GNA13: variants seen among roughly 807,000 people sequenced by gnomAD.
GNA13 encodes G protein subunit alpha 13, also known as guanine nucleotide-binding protein subunit alpha-13.
GNA13 carries 4 observed loss-of-function variants against 33.5 expected under a neutral mutation model. The observed-to-expected ratio is 0.12, with a 90% CI of 0.06 to 0.27. The LOEUF (loss-of-function observed/expected upper bound fraction) is 0.27, where lower values mean the gene tolerates loss of function less well. Among genes scored for constraint, GNA13 ranks in the 10% least tolerant of loss-of-function variants. GNA13 has a pLI of 1.00. For missense variants in GNA13, 319 were observed against 487.2 expected (o/e 0.65, Z 3.25); for synonymous variants, 176 against 183.8 (o/e 0.96, Z 0.34).
chr17:65,019,345 G>A (rs1013647263), intron 2 of GNA13, among the ~76,000 whole-genome samples: 3 of 152,170 alleles, frequency 2.0e-5, no homozygotes, highest in African/African-American at 7.2e-5. Context: ...ATGAGTATAT[G>A]GAGGAGAGAG....
At chr17:65,027,581 C>G (rs1288720702) in intron 2 of GNA13, among the ~76,000 whole-genome samples, 1 of 152,144 alleles carries the variant, frequency 6.6e-6, no homozygotes, top group Non-Finnish European at 1.5e-5. Flanking sequence ...TCCTTTTCTA[C>G]AATGTATTGT....
intron 3 of GNA13, among the ~76,000 whole-genome samples, chr17:65,018,041 T>C (rs1161332415): frequency 4.6e-5 from 6 of 129,638 alleles, no homozygotes; most frequent in Non-Finnish European, 7.7e-5. Context: ...TTCAATATTC[T>C]GAGCTACCAA....
intron 2 of GNA13, among the ~76,000 whole-genome samples, chr17:65,032,071 G>A (rs940711464): frequency 1.3e-5 from 2 of 152,028 alleles, no homozygotes; most frequent in African/African-American, 4.8e-5. Flanking sequence ...GCTGTTCATT[G>A]TAACAGTAGG....
intron 2 of GNA13, among the ~76,000 whole-genome samples, chr17:65,044,800 T>C (rs1301365013): frequency 2.6e-5 from 4 of 152,082 alleles, no homozygotes; most frequent in African/African-American, 7.2e-5. Flanking sequence ...CCCAACATTT[T>C]GGGAGGCTAA....
At chr17:65,049,916 A>G (rs1907802024) in intron 2 of GNA13, among the ~76,000 whole-genome samples, 1 of 152,212 alleles carries the variant, frequency 6.6e-6, no homozygotes, top group African/African-American at 2.4e-5. Context: ...ACCTAGTAAC[A>G]GATAGGGTAA....
Position 65,056,562 on chromosome 17 carries a change from A to G in GNA13, c.32T>C (p.Leu11Pro). The G allele has an allele frequency of 1.2e-6, 2 of 1,610,422 alleles. No homozygotes were observed. Among genetic ancestry groups the G allele is most frequent in the East Asian group, 2.2e-5 (1 of 44,704 alleles). The stretch of plus-strand genomic sequence containing the variant: ...CAGGCAGCCGGGGAAGCACACGGAC[A>G]GCACGGACCGCGACGGCAGGAAGTC... MADFLPSRSV[L>P]SVCFPGCLLT... Residue 11 changes from leucine to proline, a missense_variant, in exon 1 of 4, where the codon CTG becomes CCG. Transcript: ENST00000439174.
At chr17:65,019,846 T>C (rs1358690801) in intron 2 of GNA13, among the ~76,000 whole-genome samples, 6 of 152,212 alleles carry the variant, frequency 3.9e-5, no homozygotes, top group African/African-American at 1.4e-4. Context: ...GTTTGTAACA[T>C]AAAGGATAAA....
chr17:65,029,642 C>T (rs1906929842), intron 2 of GNA13, among the ~76,000 whole-genome samples: 1 of 152,128 alleles, frequency 6.6e-6, no homozygotes, highest in South Asian at 2.1e-4. Flanking sequence ...ACTCATGGCA[C>T]TTCTTTATTT....
At chr17:65,038,530 AG>A (rs1222155573) in intron 2 of GNA13, among the ~76,000 whole-genome samples, 1 of 152,124 alleles carries the variant, frequency 6.6e-6, no homozygotes, top group African/African-American at 2.4e-5. Context: ...CTCCCACCTC[AG>A]CTCTGAGTAG....
At chr17:65,056,147 C>A (rs1232371559) in intron 1 of GNA13, among the ~76,000 whole-genome samples, 164 bp downstream of exon 1, 3 of 151,822 alleles carry the variant, frequency 2.0e-5, no homozygotes, top group African/African-American at 7.3e-5. Context: ...GCACCCCGGG[C>A]GGGCAGGGCC....
intron 2 of GNA13, among the ~76,000 whole-genome samples, chr17:65,043,565 G>A (rs1907540891): frequency 6.6e-6 from 1 of 152,148 alleles, no homozygotes; most frequent in African/African-American, 2.4e-5. Flanking sequence ...GAGGTTACAG[G>A]TGTGAGCCAC....
intron 2 of GNA13, 137 bp downstream of exon 2, chr17:65,053,365 G>A (rs1838079): frequency 1.6e-6 from 1 of 639,542 alleles, no homozygotes; most frequent in South Asian, 1.8e-5. Context: ...CTGTGCCTTA[G>A]CCTTTCAGTC....
At position 65,009,447 on chromosome 17, in the gene GNA13, C is replaced by A. The variant is rs1335952334; in HGVS notation, c.*4810G>T. Among the ~76,000 whole-genome samples the A allele has an allele frequency of 2.6e-5, 4 of 152,112 alleles. No individual in the cohort carries two copies. Among genetic ancestry groups the A allele is most frequent in the South Asian group, 2.1e-4 (1 of 4,834 alleles). Reference sequence around the variant, plus strand: ...TCAAACCATTCTTTCCACTTTTAGACCTCCTTTAGAAATAATTTATTGCCC... The same window carrying A: ...TCAAACCATTCTTTCCACTTTTAGAACTCCTTTAGAAATAATTTATTGCCC... On this transcript the variant is annotated 3_prime_UTR_variant, in exon 4 of 4. Transcript: ENST00000439174.
Position 65,056,626 on chromosome 17 carries a change from CT to C in GNA13, c.-34del. 1 of 1,579,766 alleles carries C rather than the reference CT, an allele frequency of 6.3e-7. No individual in the cohort carries two copies. The highest frequency in any genetic ancestry group is 1.1e-5 in the South Asian group (1 of 89,564). On this transcript the variant is annotated 5_prime_UTR_variant, in exon 1 of 4. Transcript: ENST00000439174. ...CCGCCGCCGCCGCCTCGGCGGGCCC[CT>C]CCGGCTCCCTCCACCTCCTCCTCCG...
Position 65,053,603 on chromosome 17 carries a change from C to T in GNA13, c.409G>A (p.Val137Met), listed in dbSNP as rs1443341189. ...TATTGTAAGAAAACCCTTGTTTCCA[C>T]CATTCCTTGGGCTGCCATGGGGGCC... The part of the protein sequence containing the change: ...TRAPMAAQGM[V>M]ETRVFLQYLP... Residue 137 changes from valine (V) to methionine (M), a missense_variant, in exon 2 of 4, where the codon GTG (valine) becomes ATG (methionine). Around this residue, in one of 4 missense-constraint regions of GNA13, gnomAD observed 136 missense variants for 159.3 expected, o/e 0.85. Coordinates refer to ENST00000439174, the MANE Select transcript of GNA13 (RefSeq NM_006572.6). The T allele has an allele frequency of 1.2e-5, 20 of 1,613,712 alleles. No individual in the cohort carries two copies. The highest frequency in any genetic ancestry group is 1.7e-5 in the Admixed American group (1 of 60,002).
intron 2 of GNA13, among the ~76,000 whole-genome samples, chr17:65,029,642 CTTCT>C (rs1446074860): frequency 1.3e-5 from 2 of 152,246 alleles, no homozygotes; most frequent in South Asian, 4.1e-4. Context: ...ACTCATGGCA[CTTCT>C]TTATTTTTAT....
At chr17:65,032,926 C>T (rs1002182677) in intron 2 of GNA13, among the ~76,000 whole-genome samples, 1 of 152,062 alleles carries the variant, frequency 6.6e-6, no homozygotes, top group Admixed American at 6.6e-5. Flanking sequence ...GCCCGGCCAA[C>T]TTGGTGAAAC....
In GNA13 at chr17:65,018,418, T is replaced by C. The variant is rs1031295127; in HGVS notation, c.511-115A>G. On this transcript the variant is annotated intron_variant, in intron 2 of 3. Transcript: ENST00000439174. ...CTTAACCCAAACAGACTTTGTTTAG[T>C]CACCAATTTCAGACAGCTAACCTTC... 8.7e-6 allele frequency: 6 copies of C among 688,866 alleles called. No homozygotes were observed. In the African/African-American group the frequency reaches 1.1e-4, roughly 12 times the overall value. The allele number at this position is 688,866 out of a possible 1,614,324, so 42.7% of individuals were successfully genotyped here.
At chr17:65,044,644 A>AG (rs1486612504) in intron 2 of GNA13, among the ~76,000 whole-genome samples, 1 of 152,078 alleles carries the variant, frequency 6.6e-6, no homozygotes, top group Non-Finnish European at 1.5e-5. Flanking sequence ...TCTTAAAAAA[A>AG]AGGAAAAAAA....
Sources: gnomAD v4.1 joint callset for allele counts (sites outside exome capture counted in the v4.1 genomes callset) on GRCh38, gnomAD v4.1.1 for gene constraint, gnomAD v4.1.1 regional missense constraint, MANE v1.5 for transcripts, NCBI Gene and HGNC (gene_info 2026-07-23, HGNC 2026-07-21) for gene names.